The following TCP11L2 variants were observed in gnomAD, a reference collection of about 807,000 sequenced individuals.
The protein encoded by TCP11L2 is t-complex 11 like 2.
TCP11L2 carries 39 observed loss-of-function variants against 50.7 expected under a neutral mutation model. The observed-to-expected ratio is 0.77, with a 90% CI of 0.60 to 1.01. The LOEUF (loss-of-function observed/expected upper bound fraction) is 1.01. TCP11L2 is among the 50% of genes least tolerant of loss of function. The pLI is 0.00. For synonymous variants in TCP11L2, 192 were observed against 219.3 expected (o/e 0.88, Z 1.10); for missense variants, 612 against 614.7 (o/e 1.00, Z 0.05).
intron 4 of TCP11L2, among the ~76,000 whole-genome samples, 171 bp downstream of exon 4, chr12:106,318,635 C>T (rs2035193994): frequency 6.6e-6 from 1 of 152,240 alleles, no homozygotes; most frequent in Non-Finnish European, 1.5e-5. Flanking sequence ...GGTGAGGGCT[C>T]ACTCCCTGAT....
At chr12:106,312,187 T>C (rs1364324401) in intron 2 of TCP11L2, 3 of 379,182 alleles carry the variant, frequency 7.9e-6, no homozygotes, top group Admixed American at 7.6e-5. Flanking sequence ...GTTTTATGAA[T>C]ACTTATTACT....
intron 1 of TCP11L2, among the ~76,000 whole-genome samples, chr12:106,306,559 C>G (rs1391110797): frequency 6.6e-6 from 1 of 152,084 alleles, no homozygotes; most frequent in Non-Finnish European, 1.5e-5. Flanking sequence ...AGGATCCACT[C>G]TAGGATCACC....
At chr12:106,323,702 A>ACCT in intron 6 of TCP11L2, 56 bp downstream of exon 6, 1 of 900,678 alleles carries the variant, frequency 1.1e-6, no homozygotes, top group Non-Finnish European at 1.5e-6. Flanking sequence ...GATGATTTTA[A>ACCT]ATGTTAAAAT....
chr12:106,302,445 T>G (rs1363149597), upstream of TCP11L2, among the ~76,000 whole-genome samples: 1 of 134,530 alleles, frequency 7.4e-6, no homozygotes, highest in African/African-American at 2.8e-5. Context: ...CCCAGTGCCC[T>G]GGCAGGCCCC....
intron 3 of TCP11L2, among the ~76,000 whole-genome samples, chr12:106,317,200 A>G (rs1328334766): frequency 1.3e-5 from 2 of 152,256 alleles, no homozygotes; most frequent in Non-Finnish European, 2.9e-5. Flanking sequence ...GTACAGAGTT[A>G]GGACACATTG....
At chr12:106,309,735 C>G (rs1592928602) in intron 1 of TCP11L2, among the ~76,000 whole-genome samples, 1 of 151,450 alleles carries the variant, frequency 6.6e-6, no homozygotes, top group Admixed American at 6.6e-5. Context: ...TTTTAGGTAG[C>G]TGGACTTGAG....
chr12:106,338,720 G>A (rs1164590028), intron 8 of TCP11L2, among the ~76,000 whole-genome samples: 2 of 152,238 alleles, frequency 1.3e-5, no homozygotes, highest in Non-Finnish European at 2.9e-5. Flanking sequence ...TCTGTTTTAA[G>A]TTATTTTAGA....
At position 106,313,842 on chromosome 12, in the gene TCP11L2, T is replaced by C. The variant is rs1228880658; in HGVS notation, c.158-516T>C. ...GTGCAGTGGCACGATCTTGGCTCAC[T>C]GCAAGCTCCTCCTCCTGGGTTCACG... On this transcript the variant is annotated intron_variant, in intron 2 of 9. Transcript: ENST00000299045. 2.0e-5 allele frequency among the ~76,000 whole-genome samples: 3 copies of C among 147,640 alleles called. No homozygotes were observed. The East Asian group carries it at 6.1e-4, about 30-fold the overall frequency.
chr12:106,326,184 A>T (rs1022530358), intron 6 of TCP11L2, among the ~76,000 whole-genome samples: 1 of 152,116 alleles, frequency 6.6e-6, no homozygotes, highest in Non-Finnish European at 1.5e-5. Flanking sequence ...AATCAACACA[A>T]TGGCCTTATA....
At chr12:106,334,681 G>A (rs997891120) in intron 6 of TCP11L2, among the ~76,000 whole-genome samples, 3 of 152,092 alleles carry the variant, frequency 2.0e-5, no homozygotes, top group Admixed American at 6.6e-5. Flanking sequence ...AGTGGCTCAC[G>A]CCTGTAATCC....
At chr12:106,322,723 G>A (rs1185617121) in intron 5 of TCP11L2, among the ~76,000 whole-genome samples, 1 of 152,198 alleles carries the variant, frequency 6.6e-6, no homozygotes, top group African/African-American at 2.4e-5. Flanking sequence ...TGGTCTGCAT[G>A]TAGTGGGTAA....
At chr12:106,302,418 C>CCCCCGCTCAG (rs2034450524), upstream of TCP11L2, among the ~76,000 whole-genome samples, 1 of 124,566 alleles carries the variant, frequency 8.0e-6, no homozygotes, top group Non-Finnish European at 1.8e-5. Flanking sequence ...GCCCCCGCTC[C>CCCCCGCTCAG]CCCACTCGGC....
In TCP11L2 at chr12:106,346,637, G is replaced by C. The variant is rs1283857996; in HGVS notation, c.*107G>C. On this transcript the variant is annotated 3_prime_UTR_variant, in exon 10 of 10. Coordinates refer to ENST00000299045, the MANE Select transcript of TCP11L2 (RefSeq NM_152772.3). ...AGCACATTCTCAGTACTGTGGTGCA[G>C]TATTAGCCCAAATCTGTGTAATGGG... 1.4e-6 allele frequency: 2 copies of C among 1,396,620 alleles called. No individual in the cohort carries two copies. The highest frequency in any genetic ancestry group is 1.9e-6 in the Non-Finnish European group (2 of 1,043,524). 86.5% of individuals were successfully genotyped at this position (1,396,620 alleles called of 1,614,324 possible).
chr12:106,330,274 A>G (rs1249913743), intron 6 of TCP11L2: 1 of 985,118 alleles, frequency 1.0e-6, no homozygotes, highest in African/African-American at 1.7e-5. Context: ...ATTTTATTCA[A>G]AGTTAGAAGA....
At chr12:106,343,654 G>A (rs531040889) in intron 9 of TCP11L2, among the ~76,000 whole-genome samples, 74 of 142,500 alleles carry the variant, frequency 5.2e-4, no homozygotes, top group African/African-American at 1.7e-3. Context: ...GCATGCCTAC[G>A]TCTACTTTTT....
At chr12:106,345,337 CTT>C (rs911796562) in intron 9 of TCP11L2, among the ~76,000 whole-genome samples, 52 of 152,266 alleles carry the variant, frequency 3.4e-4, no homozygotes, top group African/African-American at 1.1e-3. Flanking sequence ...TTGAGAGTCT[CTT>C]TTTAAAATTA....
chr12:106,325,907 A>C (rs1476492563), intron 6 of TCP11L2: 3 of 151,524 alleles, frequency 2.0e-5, no homozygotes, highest in Admixed American at 2.0e-4. Flanking sequence ...AAAAAAAAAA[A>C]AAAAAACCCA....
At chr12:106,336,009 T>C in intron 7 of TCP11L2, 23 bp from the exon 8 acceptor site, 2 of 1,553,962 alleles carry the variant, frequency 1.3e-6, no homozygotes, top group Non-Finnish European at 1.7e-6. Flanking sequence ...TTTCTATTTT[T>C]ATATTTTAAA....
rs998980723 is a variant in TCP11L2 at position 106,346,426 on chromosome 12, C to G, written c.1456C>G (p.Leu486Val). Residue 486 changes from leucine (L) to valine (V), a missense_variant, in exon 10 of 10, where the codon CTC (leucine) becomes GTC (valine). Coordinates refer to ENST00000299045, the MANE Select transcript of TCP11L2 (RefSeq NM_152772.3). ...CTCTCAATATGCAAACATTGTGAAT[C>G]TCAACAAACAAGTGTATGGACCATT... ...LGSQYANIVN[L>V]NKQVYGPFYA... 1 of 1,614,174 alleles carries G rather than the reference C, an allele frequency of 6.2e-7. No individual in the cohort carries two copies. Among genetic ancestry groups the G allele is most frequent in the Non-Finnish European group, 8.5e-7 (1 of 1,180,038 alleles).
Sources: allele counts gnomAD v4.1 joint callset (sites outside exome capture counted in the v4.1 genomes callset), GRCh38; gene constraint gnomAD v4.1.1; transcripts MANE v1.5; gene names NCBI Gene and HGNC (gene_info 2026-07-23, HGNC 2026-07-21).